DCHS1: variants seen among roughly 807,000 people sequenced by gnomAD.
DCHS1 encodes protocadherin-16.
DCHS1 carries 78 observed loss-of-function variants against 213.9 expected under a neutral mutation model. The ratio of observed to expected loss-of-function variants is 0.36; its 90% CI spans 0.30 to 0.44. The LOEUF is 0.44. DCHS1 is among the 20% of genes least tolerant of loss of function. DCHS1 has a pLI of 1.00. For synonymous variants in DCHS1, 1,828 were observed against 1,873.7 expected (o/e 0.98, Z 0.63); for missense variants, 3,946 against 4,395.9 (o/e 0.90, Z 2.89).
chr11:6,627,779 A>C lies in DCHS1; in HGVS notation c.5372-112T>G, dbSNP rs1341831893. The C allele has an allele frequency of 8.6e-7, 1 of 1,167,716 alleles. No homozygotes were observed. The highest frequency in any genetic ancestry group is 1.6e-5 in the African/African-American group (1 of 64,420). The allele number at this position is 1,167,716 out of a possible 1,614,324, so 72.3% of individuals were successfully genotyped here. ...CACAAAAGCAAGTGAACCTTATGAGAGAAAGGAAGAAAAACAGAAACAGAA... is the reference window on the plus strand; with the variant it reads ...CACAAAAGCAAGTGAACCTTATGAGCGAAAGGAAGAAAAACAGAAACAGAA... On this transcript the variant is annotated intron_variant, in intron 13 of 20. Transcript: ENST00000299441. The surrounding 1 kb of genome is among the most constrained non-coding windows in gnomAD (Gnocchi z 5.4).
chr11:6,626,620 T>A lies in DCHS1; in HGVS notation c.6296A>T (p.Asn2099Ile). 1 of 1,613,990 alleles carries A rather than the reference T, an allele frequency of 6.2e-7. No homozygotes were observed. Among genetic ancestry groups the A allele is most frequent in the Non-Finnish European group, 8.5e-7 (1 of 1,179,880 alleles). ...SPRAVHAGGT[N>I]GPITYSILSG... ...GAGAATGCTGTAGGTGATGGGTCCATTTGTGCCTCCTGCATGGACGGCCCT... is the reference window on the plus strand; with the variant it reads ...GAGAATGCTGTAGGTGATGGGTCCAATTGTGCCTCCTGCATGGACGGCCCT... Residue 2099 changes from asparagine to isoleucine, a missense_variant, in exon 15 of 21, where the codon AAT becomes ATT. This residue lies in a region of DCHS1 where 3,384 missense variants were observed against 3,780.1 expected (regional missense o/e 0.90). Coordinates refer to ENST00000299441, the MANE Select transcript of DCHS1 (RefSeq NM_003737.4). This position sits in a 1 kb window ranked among gnomAD's most constrained non-coding sequence, Gnocchi z 5.2.
At chr11:6,629,344 T>C in intron 12 of DCHS1, 108 bp downstream of exon 12, 1 of 1,446,114 alleles carries the variant, frequency 6.9e-7, no homozygotes. Flanking sequence ...AGGAGCTTTG[T>C]GGTAATAGGC....
At chr11:6,642,468 A>T (rs1856093462) in intron 1 of DCHS1, among the ~76,000 whole-genome samples, 1 of 152,204 alleles carries the variant, frequency 6.6e-6, no homozygotes, top group Admixed American at 6.5e-5. Context: ...TTTGCCTAGG[A>T]AGTGACATTA....
Position 6,626,667 on chromosome 11 carries a change from T to C in DCHS1, c.6251-2A>G. ...CCCTGGGGGAGACAATAGGAGTCCC[T>C]GCAGAAAGAACGGTATTGTTGGACT... On this transcript the variant is annotated splice_acceptor_variant, in intron 14 of 20. Transcript: ENST00000299441. LOFTEE classifies it high-confidence loss of function. The surrounding 1 kb of genome is among the most constrained non-coding windows in gnomAD (Gnocchi z 5.2). 1 of 1,613,364 alleles carries C rather than the reference T, an allele frequency of 6.2e-7. No individual in the cohort carries two copies. The highest frequency in any genetic ancestry group is 8.5e-7 in the Non-Finnish European group (1 of 1,179,454).
At chr11:6,650,695 G>C (rs1245863939) in intron 1 of DCHS1, among the ~76,000 whole-genome samples, 1 of 152,268 alleles carries the variant, frequency 6.6e-6, no homozygotes, top group East Asian at 1.9e-4. Context: ...ACACCTCTGG[G>C]GAAAGAATCT....
Position 6,633,834 on chromosome 11 carries a change from G to A in DCHS1, c.2173C>T (p.Leu725=). Residue 725 remains leucine (L), a synonymous_variant, in exon 4 of 21, where the codon CTG becomes TTG. Transcript: ENST00000299441. The stretch of plus-strand genomic sequence containing the variant: ...AAAAGTGGGGGGCTGTTGCCAGCCA[G>A]GATATGGTAGGAGAGTCGCCCATGG... ...GSHGRLSYHI[L]AGNSPPLFTL... 6.2e-7 allele frequency: 1 copy of A among 1,613,988 alleles called. No individual in the cohort carries two copies. The highest frequency in any genetic ancestry group is 1.1e-5 in the South Asian group (1 of 91,084).
Position 6,628,525 on chromosome 11 carries a change from A to G in DCHS1, c.5371+96T>C. The G allele has an allele frequency of 7.2e-7, 1 of 1,386,616 alleles. No individual in the cohort carries two copies. The highest frequency in any genetic ancestry group is 1.0e-6 in the Non-Finnish European group (1 of 982,890). 85.9% of individuals were successfully genotyped at this position (1,386,616 alleles called of 1,614,324 possible). A position where few individuals can be genotyped will look rare whatever the true frequency, so the allele number is the denominator to read the frequency against. On this transcript the variant is annotated intron_variant, in intron 13 of 20. Transcript: ENST00000299441. This position sits in a 1 kb window ranked among gnomAD's most constrained non-coding sequence, Gnocchi z 4.3. Reference sequence around the variant, plus strand: ...GTGGACGACATCAAGAGGGAAAAGGAGACCCAGACACATGCACTGAGGCTG... The same window carrying G: ...GTGGACGACATCAAGAGGGAAAAGGGGACCCAGACACATGCACTGAGGCTG...
chr11:6,638,940 G>A (rs908657669), intron 2 of DCHS1, among the ~76,000 whole-genome samples: 6 of 152,010 alleles, frequency 3.9e-5, no homozygotes, highest in East Asian at 3.9e-4. Flanking sequence ...GTGAAACCCC[G>A]TCTCTATTAA....
In DCHS1 at chr11:6,634,100, C is replaced by T. The variant is rs772173463; in HGVS notation, c.1986+18G>A. ...CCCTACCCCAACATCCCAACCTGCC[C>T]TTGGTCTACTGACTTACCCCATCCA... On this transcript the variant is annotated intron_variant, in intron 3 of 20. Coordinates refer to ENST00000299441, the MANE Select transcript of DCHS1 (RefSeq NM_003737.4). 1 of 1,599,064 alleles carries T rather than the reference C, an allele frequency of 6.3e-7. No homozygotes were observed. The highest frequency in any genetic ancestry group is 8.5e-7 in the Non-Finnish European group (1 of 1,170,850).
rs1379697540 is a variant in DCHS1, at chr11:6,632,203, G to A, written c.3309C>T (p.Pro1103=). ...VSILNQNEHS[P]RLSEDPTFLA... ...GGAAGGTGGGATCCTCAGACAAGCG[G>A]GGACTGTGTTCATTCTGGTTGAGGA... The change falls in exon 6 of 21, where the codon CCC becomes CCT. Residue 1103 remains proline (P), a synonymous_variant. Transcript: ENST00000299441. The surrounding 1 kb of genome is among the most constrained non-coding windows in gnomAD (Gnocchi z 5.9). 3 of 1,609,978 alleles carry A rather than the reference G, an allele frequency of 1.9e-6. No individual in the cohort carries two copies. Among genetic ancestry groups the A allele is most frequent in the Non-Finnish European group, 2.5e-6 (3 of 1,176,970 alleles).
At position 6,633,521 on chromosome 11, in the gene DCHS1, A is replaced by G; in HGVS notation, c.2346T>C (p.Pro782=). Residue 782 remains proline, a synonymous_variant, in exon 5 of 21, where the codon CCT becomes CCC. Coordinates refer to ENST00000299441, the MANE Select transcript of DCHS1 (RefSeq NM_003737.4). ...CAAATATGGGTGGTGTGGGGGTTCC[A>G]GGCACAATGCTGATGTCCACTCGGG... The part of the protein sequence containing the change: ...PSARVDISIV[P]GTPTPPIFEQ... The G allele has an allele frequency of 6.3e-7, 1 of 1,585,754 alleles. No homozygotes were observed. Among genetic ancestry groups the G allele is most frequent in the East Asian group, 2.3e-5 (1 of 43,494 alleles).
At position 6,627,705 on chromosome 11, in the gene DCHS1, T is replaced by C. The variant is rs577092348; in HGVS notation, c.5372-38A>G. 1.7e-5 allele frequency: 27 copies of C among 1,585,920 alleles called. No individual in the cohort carries two copies. The East Asian group carries it at 6.1e-4, about 36-fold the overall frequency. On this transcript the variant is annotated intron_variant, in intron 13 of 20. Coordinates refer to ENST00000299441, the MANE Select transcript of DCHS1 (RefSeq NM_003737.4). This position sits in a 1 kb window ranked among gnomAD's most constrained non-coding sequence, Gnocchi z 5.4. ...GCATGCACATATAAATATACATGTGTCGTGGGGATGGGGGTGATTTACAGA... is the reference window on the plus strand; with the variant it reads ...GCATGCACATATAAATATACATGTGCCGTGGGGATGGGGGTGATTTACAGA...
At chr11:6,635,783 G>A (rs1203713233) in intron 2 of DCHS1, among the ~76,000 whole-genome samples, 2 of 152,174 alleles carry the variant, frequency 1.3e-5, no homozygotes, top group African/African-American at 2.4e-5. Context: ...CCTCTGACTC[G>A]CTGCAGGAAG....
At chr11:6,655,457 C>T in intron 1 of DCHS1, 106 bp downstream of exon 1, 1 of 786,792 alleles carries the variant, frequency 1.3e-6, no homozygotes, top group Non-Finnish European at 1.5e-6. Flanking sequence ...CCATTGTCTC[C>T]GGCTCAGAAC....
intron 1 of DCHS1, among the ~76,000 whole-genome samples, chr11:6,654,338 C>A (rs1195851552): frequency 1.3e-5 from 2 of 152,106 alleles, no homozygotes; most frequent in African/African-American, 2.4e-5. Context: ...GGAAGTAAAC[C>A]TAATAAGATG....
At chr11:6,646,042 T>C (rs1052867975) in intron 1 of DCHS1, among the ~76,000 whole-genome samples, 1 of 151,734 alleles carries the variant, frequency 6.6e-6, no homozygotes, top group Non-Finnish European at 1.5e-5. Flanking sequence ...CAGGCATACA[T>C]ACACACACAC....
At chr11:6,651,425 G>C (rs1314267425) in intron 1 of DCHS1, among the ~76,000 whole-genome samples, 1 of 152,188 alleles carries the variant, frequency 6.6e-6, no homozygotes, top group Non-Finnish European at 1.5e-5. Context: ...GATGAGACTG[G>C]GAGGCTTGGG....
At chr11:6,650,091 A>AAGTGT (rs908691790) in intron 1 of DCHS1, among the ~76,000 whole-genome samples, 1 of 152,148 alleles carries the variant, frequency 6.6e-6, no homozygotes, top group African/African-American at 2.4e-5. Context: ...GGAAAGTCTA[A>AAGTGT]AGTGTGGCTC....
At chr11:6,647,578 C>T (rs1252302405) in intron 1 of DCHS1, among the ~76,000 whole-genome samples, 1 of 152,132 alleles carries the variant, frequency 6.6e-6, no homozygotes, top group Admixed American at 6.5e-5. Context: ...TGCGCTGGGC[C>T]CTGTGCCAAG....
Sources: gnomAD v4.1 joint callset for allele counts (sites outside exome capture counted in the v4.1 genomes callset) on GRCh38, gnomAD v4.1.1 for gene constraint, gnomAD v4.1.1 regional missense constraint, Gnocchi (gnomAD v3.1) non-coding constraint, MANE v1.5 for transcripts, NCBI Gene and HGNC (gene_info 2026-07-23, HGNC 2026-07-21) for gene names.